The following AKAP6 variants were observed in gnomAD, a reference collection of about 807,000 sequenced individuals.
AKAP6 encodes the protein A-kinase anchor protein 6.
Under a neutral mutation model 188.5 loss-of-function variants are expected in AKAP6, and 58 were observed. The observed-to-expected ratio is 0.31, with a 90% CI of 0.25 to 0.38. The LOEUF (loss-of-function observed/expected upper bound fraction) is 0.38. Ranked by LOEUF, AKAP6 falls within the 10% of genes least tolerant of loss-of-function variation. AKAP6 has a pLI of 1.00. For synonymous variants in AKAP6, 989 were observed against 998.6 expected, an observed-to-expected ratio of 0.99 and a Z score of 0.18; for missense variants, 2,710 against 2,740.0, an observed-to-expected ratio of 0.99 and a Z score of 0.24.
Position 32,821,861 on chromosome 14 carries a change from G to T in AKAP6, c.4048G>T (p.Ala1350Ser), listed in dbSNP as rs138243272. The T allele has an allele frequency of 2.5e-6, 4 of 1,613,856 alleles. No homozygotes were observed. Among genetic ancestry groups the T allele is most frequent in the Non-Finnish European group, 3.4e-6 (4 of 1,179,940 alleles). The change falls in exon 13 of 14, where the codon GCA becomes TCA. Residue 1350 changes from alanine to serine, a missense_variant. By Grantham distance (99) the Ala-to-Ser change is moderately conservative (BLOSUM62 1). Transcript: ENST00000280979. ...LGGSNLVKPC[A>S]CHGGDMSQNS... is the part of the protein sequence containing the mutation. The stretch of plus-strand genomic sequence containing the variant: ...TGGTTCCAATTTGGTAAAGCCCTGC[G>T]CATGTCATGGAGGAGACATGAGCCA...
intron 7 of AKAP6, among the ~76,000 whole-genome samples, chr14:32,652,982 G>C (rs1038155449): frequency 1.3e-5 from 2 of 152,128 alleles, no homozygotes; most frequent in Non-Finnish European, 1.5e-5. Flanking sequence ...GAGGCCAAGA[G>C]GTCAAGGCTG....
intron 1 of AKAP6, among the ~76,000 whole-genome samples, chr14:32,429,206 T>TA (rs886767812): frequency 7.9e-5 from 12 of 152,182 alleles, no homozygotes; most frequent in African/African-American, 2.7e-4. Context: ...TCTAAGCTTT[T>TA]AAAAAAATGT....
At chr14:32,727,405 G>A (rs2030925864) in intron 9 of AKAP6, among the ~76,000 whole-genome samples, 1 of 152,162 alleles carries the variant, frequency 6.6e-6, no homozygotes, top group African/African-American at 2.4e-5. Context: ...TCCTACTTAA[G>A]TTTTCTGAGT....
chr14:32,460,241 T>C (rs1255640487), intron 2 of AKAP6, among the ~76,000 whole-genome samples: 4 of 152,024 alleles, frequency 2.6e-5, no homozygotes, highest in African/African-American at 9.7e-5. Context: ...CCCTGTTTCT[T>C]CAACAAAATT....
chr14:32,496,593 AAAG>A (rs1248859175), intron 2 of AKAP6, among the ~76,000 whole-genome samples: 1 of 152,066 alleles, frequency 6.6e-6, no homozygotes, highest in African/African-American at 2.4e-5. Context: ...AAAAAGTTGA[AAAG>A]AATATTTTCC....
chr14:32,544,735 C>A (rs1020271027), intron 3 of AKAP6, among the ~76,000 whole-genome samples: 1 of 152,160 alleles, frequency 6.6e-6, no homozygotes, highest in South Asian at 2.1e-4. Flanking sequence ...ATGTTTAACA[C>A]AACTGGCTTA....
In AKAP6 at chr14:32,830,023, T is replaced by C; in HGVS notation, c.*218T>C. ...TCTGAATGTGTGCGCTGGTTCTCTT[T>C]AGGTGATCGTCTTTGAAGTTCAGCA... On this transcript the variant is annotated 3_prime_UTR_variant, in exon 14 of 14. Transcript: ENST00000280979. 1 of 698,902 alleles carries C rather than the reference T, an allele frequency of 1.4e-6. No homozygotes were observed. The highest frequency in any genetic ancestry group is 2.6e-6 in the Non-Finnish European group (1 of 382,734). 43.3% of individuals were successfully genotyped at this position (698,902 alleles called of 1,614,324 possible). A position where few individuals can be genotyped will look rare whatever the true frequency, so the allele number is the denominator to read the frequency against.
intron 1 of AKAP6, among the ~76,000 whole-genome samples, chr14:32,361,989 T>G (rs923995538): frequency 1.3e-5 from 2 of 152,008 alleles, no homozygotes; most frequent in Non-Finnish European, 1.5e-5. Flanking sequence ...TGCCTACCTC[T>G]CAGGTTTGTT....
rs138105965 is a variant in AKAP6 at position 32,506,067 on chromosome 14, C to T, written c.325-29487C>T. ...CTGAGGCAGGAGAATCACTTGAACC[C>T]GGGAAGCAGAGGTTGCAGTGAGCCA... On this transcript the variant is annotated intron_variant, in intron 2 of 13. Transcript: ENST00000280979. Among the ~76,000 whole-genome samples the T allele has an allele frequency of 7.4e-3, 1,125 of 151,938 alleles. 16 individuals carry two copies. Among genetic ancestry groups the T allele is most frequent in the African/African-American group, 0.026 (1,073 of 41,434 alleles).
chr14:32,695,059 T>A (rs17099449), intron 8 of AKAP6, among the ~76,000 whole-genome samples: 1 of 152,212 alleles, frequency 6.6e-6, no homozygotes, highest in African/African-American at 2.4e-5. Flanking sequence ...ATCTGGGCTT[T>A]ACTTATTCAC....
intron 1 of AKAP6, among the ~76,000 whole-genome samples, chr14:32,330,675 A>G (rs1886502892): frequency 6.7e-6 from 1 of 150,022 alleles, no homozygotes; most frequent in Non-Finnish European, 1.5e-5. Context: ...TATATCATGG[A>G]AAGCAGGAAA....
At chr14:32,660,916 T>TCCC (rs1359020253) in intron 7 of AKAP6, among the ~76,000 whole-genome samples, 23 of 96,554 alleles carry the variant, frequency 2.4e-4, no homozygotes, top group Non-Finnish European at 2.9e-4. Context: ...TATATTTTCT[T>TCCC]CCCCGCCACC....
At chr14:32,523,072 C>A (rs968680516) in intron 2 of AKAP6, among the ~76,000 whole-genome samples, 12 of 150,808 alleles carry the variant, frequency 8.0e-5, no homozygotes, top group Non-Finnish European at 1.8e-4. Flanking sequence ...AAACTATCAC[C>A]AAGGACAAAA....
intron 7 of AKAP6, among the ~76,000 whole-genome samples, chr14:32,659,816 G>A (rs1360797436): frequency 2.0e-5 from 3 of 152,090 alleles, no homozygotes; most frequent in Non-Finnish European, 4.4e-5. Flanking sequence ...GATAACTGCT[G>A]TGCCTTGGCA....
intron 1 of AKAP6, among the ~76,000 whole-genome samples, chr14:32,330,919 G>A (rs919993290): frequency 2.6e-5 from 4 of 151,748 alleles, no homozygotes; most frequent in African/African-American, 9.7e-5. Context: ...TGGCTTTATC[G>A]CAAGCACTTA....
At chr14:32,492,171 C>T (rs1324432698) in intron 2 of AKAP6, among the ~76,000 whole-genome samples, 2 of 151,862 alleles carry the variant, frequency 1.3e-5, no homozygotes, top group African/African-American at 4.8e-5. Flanking sequence ...CATGCTTTCT[C>T]CCATTGCCCA....
chr14:32,701,511 A>G (rs1479079043), intron 9 of AKAP6, among the ~76,000 whole-genome samples: 1 of 152,150 alleles, frequency 6.6e-6, no homozygotes, highest in Non-Finnish European at 1.5e-5. Flanking sequence ...TTAGAATGGT[A>G]TGGTAAATAA....
chr14:32,488,956 G>A (rs1879852757), intron 2 of AKAP6, among the ~76,000 whole-genome samples: 1 of 152,074 alleles, frequency 6.6e-6, no homozygotes, highest in South Asian at 2.1e-4. Flanking sequence ...GTTCCTATTC[G>A]GCCATCTTTC....
intron 12 of AKAP6, among the ~76,000 whole-genome samples, chr14:32,788,531 G>A (rs2033501590): frequency 6.6e-6 from 1 of 152,120 alleles, no homozygotes; most frequent in Non-Finnish European, 1.5e-5. Context: ...CAGGGGGTGG[G>A]GGCAACAGCC....
Sources: gnomAD v4.1 joint callset for allele counts (sites outside exome capture counted in the v4.1 genomes callset) on GRCh38, gnomAD v4.1.1 for gene constraint, MANE v1.5 for transcripts, NCBI Gene and HGNC (gene_info 2026-07-23, HGNC 2026-07-21) for gene names.